Variants in NGF observed in about 807,000 individuals in gnomAD.
NGF encodes the protein beta-nerve growth factor.
In NGF, 4 loss-of-function variants were observed where a neutral mutation model predicts 12.8. The ratio of observed to expected loss-of-function variants is 0.31; its 90% CI spans 0.15 to 0.72. NGF has a LOEUF of 0.72. Among genes scored for constraint, NGF ranks in the 30% least tolerant of loss-of-function variants. The probability of loss-of-function intolerance (pLI) is 0.69; values close to 1 mark genes in which losing one functional copy is unlikely to be tolerated. For missense variants in NGF, 283 were observed against 330.8 expected, an observed-to-expected ratio of 0.86 and a Z score of 1.12; for synonymous variants, 140 against 130.0, an observed-to-expected ratio of 1.08 and a Z score of -0.52.
Position 115,324,111 on chromosome 1 carries a change from G to A in NGF, c.-137+14093C>T, listed in dbSNP as rs578027830. Among the ~76,000 whole-genome samples, 8 of 152,224 alleles carry A rather than the reference G, an allele frequency of 5.3e-5. No individual in the cohort carries two copies. In the East Asian group the frequency reaches 9.7e-4, roughly 18 times the overall value. ...ACAAGGGGCTCACCTGGATGGAGGT[G>A]AACACCCACCCATCACCTGGCATTG... On this transcript the variant is annotated intron_variant, in intron 1 of 2. Transcript: ENST00000369512.
At chr1:115,287,961 T>C (rs1376484037) in intron 2 of NGF, among the ~76,000 whole-genome samples, 2 of 152,164 alleles carry the variant, frequency 1.3e-5, no homozygotes, top group African/African-American at 2.4e-5. Flanking sequence ...AAACGTCAGC[T>C]CCTCTGTAAA....
At chr1:115,325,257 A>T (rs1047014575) in intron 1 of NGF, among the ~76,000 whole-genome samples, 1 of 152,136 alleles carries the variant, frequency 6.6e-6, no homozygotes, top group African/African-American at 2.4e-5. Context: ...TCACCACACA[A>T]CCACAACGGG....
At chr1:115,334,311 G>C (rs1246057816) in intron 1 of NGF, among the ~76,000 whole-genome samples, 1 of 152,174 alleles carries the variant, frequency 6.6e-6, no homozygotes, top group Admixed American at 6.5e-5. Flanking sequence ...ACTTAGCAAA[G>C]GAGGGAAGGA....
intron 2 of NGF, among the ~76,000 whole-genome samples, chr1:115,289,357 T>C (rs1455106104): frequency 1.3e-5 from 2 of 152,180 alleles, no homozygotes; most frequent in Non-Finnish European, 2.9e-5. Context: ...TGAAATTAAC[T>C]AAATAAAAGG....
intron 1 of NGF, among the ~76,000 whole-genome samples, chr1:115,317,707 T>A (rs1021016772): frequency 6.6e-6 from 1 of 152,208 alleles, no homozygotes; most frequent in Admixed American, 6.5e-5. Flanking sequence ...TCAGGAGACC[T>A]TAGTCAAGTG....
chr1:115,304,370 C>T (rs998690918), intron 1 of NGF, among the ~76,000 whole-genome samples: 197 of 70,034 alleles, frequency 2.8e-3, no homozygotes, highest in African/African-American at 7.8e-3. Flanking sequence ...GATGAGGTTT[C>T]ACCATGTTGG....
chr1:115,290,718 T>C (rs1653669726), intron 2 of NGF, among the ~76,000 whole-genome samples: 1 of 152,136 alleles, frequency 6.6e-6, no homozygotes. Flanking sequence ...AAGCCTTCCC[T>C]TTATATTCTC....
chr1:115,301,312 C>A (rs1654027597), intron 1 of NGF, among the ~76,000 whole-genome samples: 1 of 152,156 alleles, frequency 6.6e-6, no homozygotes, highest in Non-Finnish European at 1.5e-5. Flanking sequence ...CAATCTTTAG[C>A]AAGAGACTTA....
intron 1 of NGF, among the ~76,000 whole-genome samples, chr1:115,298,146 C>T (rs777047214): frequency 3.4e-4 from 52 of 152,192 alleles, no homozygotes; most frequent in Admixed American, 9.2e-4. Context: ...GCCTGACCCA[C>T]GCCCAGTTGT....
intron 1 of NGF, among the ~76,000 whole-genome samples, chr1:115,320,356 A>T (rs1274307008): frequency 6.6e-6 from 1 of 152,186 alleles, no homozygotes; most frequent in African/African-American, 2.4e-5. Flanking sequence ...AATAAAATAG[A>T]ACAATTATAA....
At chr1:115,331,478 A>T (rs1181867569) in intron 1 of NGF, among the ~76,000 whole-genome samples, 1 of 152,156 alleles carries the variant, frequency 6.6e-6, no homozygotes, top group East Asian at 1.9e-4. Flanking sequence ...CAGTTTTGAT[A>T]CTGCTTGCAA....
chr1:115,293,129 G>T (rs11466103), intron 2 of NGF, among the ~76,000 whole-genome samples: 1,666 of 152,170 alleles, frequency 0.011, 41 homozygotes, highest in African/African-American at 0.038. Context: ...TTAACAATGA[G>T]AAACCAGAGA....
chr1:115,297,468 C>T (rs558072694), intron 1 of NGF, among the ~76,000 whole-genome samples: 20 of 152,292 alleles, frequency 1.3e-4, no homozygotes, highest in South Asian at 1.0e-3. Flanking sequence ...CAACCAACCC[C>T]GAGCCTGGTA....
chr1:115,328,232 C>T (rs1654826382), intron 1 of NGF, among the ~76,000 whole-genome samples: 2 of 152,148 alleles, frequency 1.3e-5, no homozygotes, highest in Non-Finnish European at 1.5e-5. Flanking sequence ...GCTAAGCTTC[C>T]ATGAGAACTA....
intron 1 of NGF, among the ~76,000 whole-genome samples, chr1:115,320,524 G>A (rs769554494): frequency 1.3e-5 from 2 of 152,100 alleles, no homozygotes; most frequent in Non-Finnish European, 2.9e-5. Context: ...AACCAAGCAG[G>A]CTACTAAGTG....
intron 1 of NGF, among the ~76,000 whole-genome samples, chr1:115,325,548 C>T (rs1382472442): frequency 6.6e-6 from 1 of 152,126 alleles, no homozygotes; most frequent in Non-Finnish European, 1.5e-5. Context: ...TTAAGAACCA[C>T]TGAACAAAAG....
At chr1:115,302,834 T>C (rs1654080937) in intron 1 of NGF, among the ~76,000 whole-genome samples, 1 of 152,210 alleles carries the variant, frequency 6.6e-6, no homozygotes, top group East Asian at 1.9e-4. Flanking sequence ...CCTGTGTGGT[T>C]GTGCATTGGC....
At chr1:115,313,198 A>G (rs553787885) in intron 1 of NGF, among the ~76,000 whole-genome samples, 86 of 152,368 alleles carry the variant, frequency 5.6e-4, no homozygotes, top group African/African-American at 2.0e-3. Context: ...AGTAGCTTTC[A>G]TAAGTGGCCA....
intron 1 of NGF, among the ~76,000 whole-genome samples, chr1:115,298,535 C>T (rs1653941061): frequency 6.6e-6 from 1 of 151,892 alleles, no homozygotes; most frequent in Non-Finnish European, 1.5e-5. Flanking sequence ...TAGTGAGTTT[C>T]CCTACTCACA....
Sources: allele counts gnomAD v4.1 joint callset (sites outside exome capture counted in the v4.1 genomes callset), GRCh38; gene constraint gnomAD v4.1.1; transcripts MANE v1.5; gene names NCBI Gene and HGNC (gene_info 2026-07-23, HGNC 2026-07-21).